Variants in CALN1 observed in about 807,000 individuals in gnomAD.
CALN1 encodes calcium-binding protein 8.
In CALN1, 17 loss-of-function variants were observed where a neutral mutation model predicts 30.6. The ratio of observed to expected loss-of-function variants is 0.56; its 90% CI spans 0.38 to 0.83. CALN1 has a LOEUF of 0.83. CALN1 is among the 40% of genes least tolerant of loss of function. The pLI, the probability that CALN1 is intolerant of heterozygous loss-of-function variation, is 0.00. For missense variants in CALN1, 291 were observed against 354.9 expected, an observed-to-expected ratio of 0.82 and a Z score of 1.45; for synonymous variants, 156 against 131.4, an observed-to-expected ratio of 1.19 and a Z score of -1.28.
At chr7:72,131,257 G>A (rs766920640) in intron 3 of CALN1, among the ~76,000 whole-genome samples, 10 of 152,110 alleles carry the variant, frequency 6.6e-5, no homozygotes, top group East Asian at 1.9e-4. Flanking sequence ...ATTTTTCAGC[G>A]GGGATGTACA....
In CALN1 at chr7:72,320,821, C is replaced by T. The variant is rs563634977; in HGVS notation, c.120-42011G>A. On this transcript the variant is annotated intron_variant, in intron 2 of 6. Coordinates refer to ENST00000395275, the MANE Select transcript of CALN1 (RefSeq NM_031468.4). Reference sequence around the variant, plus strand: ...CTGCACTCTAGCCTGGGCGACAGAGCGAGACTCCATCTCAAAAAAAAAAAA... The same window carrying T: ...CTGCACTCTAGCCTGGGCGACAGAGTGAGACTCCATCTCAAAAAAAAAAAA... Among the ~76,000 whole-genome samples the T allele has an allele frequency of 1.3e-3, 158 of 119,020 alleles. 1 individual carries two copies. The highest frequency in any genetic ancestry group is 4.9e-3 in the African/African-American group (151 of 30,618). The allele number at this position is 119,020 out of a possible 152,430, so 78.1% of individuals were successfully genotyped here.
intron 2 of CALN1, among the ~76,000 whole-genome samples, chr7:72,373,543 T>C (rs922765316): frequency 6.6e-6 from 1 of 152,228 alleles, no homozygotes; most frequent in Non-Finnish European, 1.5e-5. Flanking sequence ...TATTCAACAC[T>C]TTATTATAAA....
chr7:72,208,059 C>CA (rs1291969401), intron 3 of CALN1, among the ~76,000 whole-genome samples: 1 of 152,098 alleles, frequency 6.6e-6, no homozygotes, highest in Admixed American at 6.6e-5. Flanking sequence ...ACCAATAAAA[C>CA]AGAGAGGCTT....
At chr7:72,309,649 G>A (rs1054008462) in intron 2 of CALN1, among the ~76,000 whole-genome samples, 3 of 152,064 alleles carry the variant, frequency 2.0e-5, no homozygotes, top group South Asian at 2.1e-4. Context: ...GAAGGGCAGG[G>A]AGAGGCAAAA....
intron 5 of CALN1, among the ~76,000 whole-genome samples, chr7:71,935,133 A>T (rs896773778): frequency 1.3e-5 from 2 of 152,112 alleles, no homozygotes; most frequent in African/African-American, 4.8e-5. Context: ...ACTGGTGTAG[A>T]TGTTGTTGTC....
intron 2 of CALN1, among the ~76,000 whole-genome samples, chr7:72,322,948 A>C (rs892310003): frequency 6.6e-6 from 1 of 150,390 alleles, no homozygotes; most frequent in Non-Finnish European, 1.5e-5. Context: ...AATCAAAAAA[A>C]TTTTTAAATA....
In CALN1 at chr7:72,115,484, CTTTTTTTTTT is replaced by C. The variant is rs71069026; in HGVS notation, c.245-9200_245-9191del. Among the ~76,000 whole-genome samples the C allele has an allele frequency of 7.4e-5, 6 of 80,594 alleles. No individual in the cohort carries two copies. The East Asian group carries it at 1.4e-3, about 19-fold the overall frequency. The allele number at this position is 80,594 out of a possible 152,430, so 52.9% of individuals were successfully genotyped here. A position where few individuals can be genotyped will look rare whatever the true frequency, so the allele number is the denominator to read the frequency against. On this transcript the variant is annotated intron_variant, in intron 3 of 6. Transcript: ENST00000395275. ...GATAAATACATTACACATATACATT[CTTTTTTTTTT>C]TTTTTTTTTTTTTTTGGAGACACAG...
At chr7:71,790,083 C>G (rs949721673) in intron 6 of CALN1, among the ~76,000 whole-genome samples, 2 of 148,836 alleles carry the variant, frequency 1.3e-5, no homozygotes, top group African/African-American at 5.0e-5. Context: ...CAGCCTGAGC[C>G]ACAGAGGAGT....
At chr7:71,843,046 A>G (rs911647346) in intron 5 of CALN1, among the ~76,000 whole-genome samples, 5 of 152,158 alleles carry the variant, frequency 3.3e-5, no homozygotes, top group East Asian at 1.9e-4. Flanking sequence ...GCATTAACTA[A>G]TAAAGGAAGA....
At chr7:72,334,409 T>G (rs1801871236) in intron 2 of CALN1, among the ~76,000 whole-genome samples, 1 of 152,216 alleles carries the variant, frequency 6.6e-6, no homozygotes, top group African/African-American at 2.4e-5. Context: ...AAAAGAAATT[T>G]CTAAATGCGA....
chr7:71,923,474 T>A (rs1179224748), intron 5 of CALN1, among the ~76,000 whole-genome samples: 1 of 152,148 alleles, frequency 6.6e-6, no homozygotes, highest in Non-Finnish European at 1.5e-5. Context: ...TTAACCTCAA[T>A]AGTATGTCAT....
At position 71,785,148 on chromosome 7, in the gene CALN1, C is replaced by T. The variant is rs1162281215; in HGVS notation, c.*2627G>A. 2.9e-6 allele frequency: 1 copy of T among 340,850 alleles called. No homozygotes were observed. Among genetic ancestry groups the T allele is most frequent in the Admixed American group, 4.8e-5 (1 of 20,812 alleles). 21.1% of individuals were successfully genotyped at this position (340,850 alleles called of 1,614,324 possible). The stretch of plus-strand genomic sequence containing the variant: ...AGTGGGAAGATAACTCCTAGGCTGT[C>T]AGAAAGAATTCTGTGTCTTCCTTCT... On this transcript the variant is annotated 3_prime_UTR_variant, in exon 7 of 7. Transcript: ENST00000395275.
chr7:72,225,607 C>T (rs1215631390), intron 3 of CALN1, among the ~76,000 whole-genome samples: 1 of 151,960 alleles, frequency 6.6e-6, no homozygotes, highest in African/African-American at 2.4e-5. Flanking sequence ...TATTTTAAAG[C>T]GAAGCCCTCG....
chr7:72,407,060 C>A (rs1806746028), intron 1 of CALN1, among the ~76,000 whole-genome samples: 1 of 152,124 alleles, frequency 6.6e-6, no homozygotes. Context: ...AGCCCTGGGT[C>A]TACGCTTTGA....
intron 4 of CALN1, among the ~76,000 whole-genome samples, chr7:72,090,462 T>G (rs983430274): frequency 6.6e-6 from 1 of 152,110 alleles, no homozygotes; most frequent in Non-Finnish European, 1.5e-5. Context: ...CTATTAAAAT[T>G]TGAGAGATAT....
chr7:71,798,307 T>TTTTATTTATTTA (rs55949827), intron 6 of CALN1, among the ~76,000 whole-genome samples: 1 of 150,294 alleles, frequency 6.7e-6, no homozygotes. Context: ...CCAAACTATA[T>TTTTATTTATTTA]TTTATTTATT....
chr7:72,374,373 A>G (rs1313345401), intron 2 of CALN1, among the ~76,000 whole-genome samples: 1 of 152,088 alleles, frequency 6.6e-6, no homozygotes, highest in Admixed American at 6.6e-5. Context: ...TACTAAAAAT[A>G]CAAAAGTTAA....
intron 4 of CALN1, among the ~76,000 whole-genome samples, chr7:72,091,036 G>A (rs556656038): frequency 6.6e-6 from 1 of 152,174 alleles, no homozygotes; most frequent in South Asian, 2.1e-4. Flanking sequence ...ATTATTAACA[G>A]TAATTTACTG....
intron 3 of CALN1, among the ~76,000 whole-genome samples, chr7:72,186,885 C>CTTTTTTTTTTTTTTTTTTTTTTTT: frequency 1.6e-5 from 1 of 61,296 alleles, no homozygotes; most frequent in Non-Finnish European, 3.1e-5. Flanking sequence ...GAGTGCAGAG[C>CTTTTTTTTTTTTTTTTTTTTTTTT]TTTTTTTTTT....
Sources: allele counts gnomAD v4.1 joint callset (sites outside exome capture counted in the v4.1 genomes callset), GRCh38; gene constraint gnomAD v4.1.1; transcripts MANE v1.5; gene names NCBI Gene and HGNC (gene_info 2026-07-23, HGNC 2026-07-21).